The following ZNF506 variants were observed in gnomAD, a reference collection of about 807,000 sequenced individuals.
ZNF506 encodes the protein zinc finger protein 506.
ZNF506 carries 10 observed loss-of-function variants against 11.6 expected under a neutral mutation model. The ratio of observed to expected loss-of-function variants is 0.86; its 90% CI spans 0.53 to 1.46. ZNF506 has a LOEUF of 1.46. Ranked by LOEUF, ZNF506 falls within the 40% of genes most tolerant of loss-of-function variation. The pLI is 0.00. For synonymous variants in ZNF506, 156 were observed against 173.3 expected, an observed-to-expected ratio of 0.90 and a Z score of 0.78; for missense variants, 425 against 521.2, an observed-to-expected ratio of 0.82 and a Z score of 1.80.
chr19:19,817,848 T>TTTTG (rs2062945229), intron 1 of ZNF506, among the ~76,000 whole-genome samples: 1 of 151,024 alleles, frequency 6.6e-6, no homozygotes, highest in Admixed American at 6.6e-5. Flanking sequence ...TTTTTTTTTT[T>TTTTG]GAGACGGTCT....
intron 1 of ZNF506, among the ~76,000 whole-genome samples, chr19:19,814,062 G>A (rs1456283839): frequency 6.6e-6 from 1 of 151,896 alleles, no homozygotes; most frequent in African/African-American, 2.4e-5. Flanking sequence ...TAAAAAAAAA[G>A]ATCATGTCCT....
At chr19:19,806,457 A>G (rs2062836638) in intron 2 of ZNF506, 1 of 190,770 alleles carries the variant, frequency 5.2e-6, no homozygotes, top group Admixed American at 5.6e-5. Flanking sequence ...GGGTTTCACC[A>G]TGTTGGTCAG....
intron 3 of ZNF506, among the ~76,000 whole-genome samples, chr19:19,801,206 C>A (rs930379935): frequency 6.6e-6 from 1 of 151,776 alleles, no homozygotes; most frequent in Admixed American, 6.6e-5. Context: ...ACAAAAAAAA[C>A]CTGGCCGGGT....
chr19:19,820,425 G>A (rs545561994), intron 1 of ZNF506: 2 of 152,392 alleles, frequency 1.3e-5, no homozygotes, highest in South Asian at 4.1e-4. Flanking sequence ...GCTGGGCGCG[G>A]TGGCTCACGC....
At chr19:19,818,458 T>G (rs1028286808) in intron 1 of ZNF506, among the ~76,000 whole-genome samples, 2 of 152,152 alleles carry the variant, frequency 1.3e-5, no homozygotes, top group African/African-American at 4.8e-5. Context: ...GGAAGAGAGA[T>G]TTTCTCTACT....
intron 1 of ZNF506, among the ~76,000 whole-genome samples, chr19:19,819,903 C>G (rs1481180595): frequency 1.3e-5 from 2 of 152,048 alleles, no homozygotes; most frequent in Admixed American, 1.3e-4. Context: ...TAGAGACCAC[C>G]CTGGCAAACA....
Position 19,818,671 on chromosome 19 carries a change from C to G in ZNF506, c.3+2930G>C, listed in dbSNP as rs150106810. Among the ~76,000 whole-genome samples, 7 of 152,232 alleles carry G rather than the reference C, an allele frequency of 4.6e-5. No individual in the cohort carries two copies. The East Asian group carries it at 1.3e-3, about 29-fold the overall frequency. On this transcript the variant is annotated intron_variant, in intron 1 of 3. Coordinates refer to ENST00000540806, the MANE Select transcript of ZNF506 (RefSeq NM_001099269.3). ...TATGTGCTTTGTAAATATTTTTTTACCTTTCAAGCCCTACTAATAAAATGC... is the reference window on the plus strand; with the variant it reads ...TATGTGCTTTGTAAATATTTTTTTAGCTTTCAAGCCCTACTAATAAAATGC...
At chr19:19,803,180 G>T (rs758854439) in intron 3 of ZNF506, among the ~76,000 whole-genome samples, 9 of 152,218 alleles carry the variant, frequency 5.9e-5, no homozygotes, top group Non-Finnish European at 8.8e-5. Flanking sequence ...GTCCCACTGA[G>T]AATTCTGAAC....
rs889561576 is a variant in ZNF506, at chr19:19,793,030, A to G, written c.*1522T>C. ...AATATCCCTGATGCAGCAACAATTGATCACATGCTTTCACATGTGACCACA... is the reference window on the plus strand; with the variant it reads ...AATATCCCTGATGCAGCAACAATTGGTCACATGCTTTCACATGTGACCACA... On this transcript the variant is annotated 3_prime_UTR_variant, in exon 4 of 4. Coordinates refer to ENST00000540806, the MANE Select transcript of ZNF506 (RefSeq NM_001099269.3). Among the ~76,000 whole-genome samples, 3 of 152,234 alleles carry G rather than the reference A, an allele frequency of 2.0e-5. No individual in the cohort carries two copies. Among genetic ancestry groups the G allele is most frequent in the Non-Finnish European group, 4.4e-5 (3 of 68,026 alleles).
intron 1 of ZNF506, among the ~76,000 whole-genome samples, chr19:19,815,544 A>C (rs980950711): frequency 6.6e-6 from 1 of 152,138 alleles, no homozygotes; most frequent in Non-Finnish European, 1.5e-5. Context: ...ATTCCCAATC[A>C]CCCAAAGTTT....
In ZNF506 at chr19:19,811,404, T is replaced by C. The variant is rs569663585; in HGVS notation, c.4-4336A>G. 3.3e-4 allele frequency among the ~76,000 whole-genome samples: 51 copies of C among 152,312 alleles called. No individual in the cohort carries two copies. The East Asian group carries it at 4.2e-3, about 13-fold the overall frequency. ...CAAACTCCTGACCTCATGATTCGCC[T>C]GCCTTGACCTCTCAAGTGCTGGGAA... On this transcript the variant is annotated intron_variant, in intron 1 of 3. Transcript: ENST00000540806.
At chr19:19,804,163 A>C (rs2062816723) in intron 3 of ZNF506, among the ~76,000 whole-genome samples, 1 of 152,204 alleles carries the variant, frequency 6.6e-6, no homozygotes, top group Non-Finnish European at 1.5e-5. Context: ...ACAGAATGGG[A>C]GAAAATTTTT....
chr19:19,813,299 C>G (rs2062897856), intron 1 of ZNF506, among the ~76,000 whole-genome samples: 1 of 152,128 alleles, frequency 6.6e-6, no homozygotes, highest in Non-Finnish European at 1.5e-5. Flanking sequence ...ATATAAATAT[C>G]TAAGCATTAA....
chr19:19,804,824 A>G (rs2062823137), intron 3 of ZNF506, among the ~76,000 whole-genome samples: 2 of 152,174 alleles, frequency 1.3e-5, no homozygotes, highest in African/African-American at 4.8e-5. Flanking sequence ...TGAGCAAACT[A>G]TCACAAGGAC....
At chr19:19,800,026 A>G (rs559722029) in intron 3 of ZNF506, among the ~76,000 whole-genome samples, 14 of 152,340 alleles carry the variant, frequency 9.2e-5, no homozygotes, top group South Asian at 4.1e-4. Flanking sequence ...CTTTCACATA[A>G]TTACTGCAGC....
intron 1 of ZNF506, among the ~76,000 whole-genome samples, chr19:19,811,566 G>C (rs534562053): frequency 1.3e-5 from 2 of 152,260 alleles, no homozygotes; most frequent in East Asian, 3.9e-4. Flanking sequence ...CACTTTGGTA[G>C]GCCGAGGTGG....
chr19:19,800,612 TC>T (rs1207437179), intron 3 of ZNF506, among the ~76,000 whole-genome samples: 1 of 150,998 alleles, frequency 6.6e-6, no homozygotes, highest in African/African-American at 2.4e-5. Context: ...AGACAGGGTT[TC>T]CCCATGTTGG....
At chr19:19,801,616 C>T (rs2145181641) in intron 3 of ZNF506, among the ~76,000 whole-genome samples, 2 of 151,878 alleles carry the variant, frequency 1.3e-5, no homozygotes, top group South Asian at 4.2e-4. Context: ...CATGGTGAAA[C>T]CCCATCTCGA....
Position 19,806,023 on chromosome 19 carries a change from G to C in ZNF506, c.226+8C>G. On this transcript the variant is annotated splice_region_variant and intron_variant, in intron 3 of 3. Coordinates refer to ENST00000540806, the MANE Select transcript of ZNF506 (RefSeq NM_001099269.3). ...TTGTCTGTCCTATTCATTTTCACTC[G>C]CACCTACCTGGGGGTTTGGCAATCA... The C allele has an allele frequency of 1.3e-6, 2 of 1,599,620 alleles. No homozygotes were observed. The highest frequency in any genetic ancestry group is 1.4e-5 in the African/African-American group (1 of 73,954).
Sources: gnomAD v4.1 joint callset for allele counts (sites outside exome capture counted in the v4.1 genomes callset) on GRCh38, gnomAD v4.1.1 for gene constraint, MANE v1.5 for transcripts, NCBI Gene and HGNC (gene_info 2026-07-23, HGNC 2026-07-21) for gene names.